The following OSBPL10 variants were observed in gnomAD, a reference collection of about 807,000 sequenced individuals.
The protein encoded by OSBPL10 is oxysterol binding protein like 10, also known as oxysterol-binding protein-related protein 10.
A neutral mutation model predicts 81.7 loss-of-function variants in OSBPL10; 49 were observed. The ratio of observed to expected loss-of-function variants is 0.60; its 90% confidence interval spans 0.48 to 0.76. OSBPL10 has a LOEUF of 0.76. Ranked by LOEUF, OSBPL10 falls within the 30% of genes least tolerant of loss-of-function variation. OSBPL10 has a pLI of 0.00. For missense variants in OSBPL10, 923 were observed against 987.8 expected, an observed-to-expected ratio of 0.93 and a Z score of 0.88; for synonymous variants, 419 against 383.6, an observed-to-expected ratio of 1.09 and a Z score of -1.08.
At chr3:31,801,280 T>C (rs1383491688) in intron 4 of OSBPL10, among the ~76,000 whole-genome samples, 1 of 152,182 alleles carries the variant, frequency 6.6e-6, no homozygotes, top group Non-Finnish European at 1.5e-5. Flanking sequence ...CCCCAAGTCT[T>C]TGGAGTTGGG....
chr3:31,662,599 A>G, intron 11 of OSBPL10: 8 of 995,410 alleles, frequency 8.0e-6, no homozygotes, highest in Non-Finnish European at 9.6e-6. Context: ...AGTGAGAAAA[A>G]GGCAAGAATT....
chr3:31,771,810 T>C (rs976611606), intron 4 of OSBPL10, among the ~76,000 whole-genome samples: 1 of 152,192 alleles, frequency 6.6e-6, no homozygotes, highest in African/African-American at 2.4e-5. Context: ...TCTGACGATA[T>C]TTTCCCGGCC....
At chr3:32,039,445 G>T (rs1444797678) in intron 2 of OSBPL10, among the ~76,000 whole-genome samples, 1 of 151,806 alleles carries the variant, frequency 6.6e-6, no homozygotes, top group African/African-American at 2.4e-5. Flanking sequence ...TAACAAGGAG[G>T]TCAGGAGTTC....
At chr3:31,761,813 T>TAA (rs34579457) in intron 4 of OSBPL10, among the ~76,000 whole-genome samples, 3 of 107,548 alleles carry the variant, frequency 2.8e-5, no homozygotes, top group South Asian at 2.7e-4. Flanking sequence ...AGACTGTCTC[T>TAA]AAAAAAAAAA....
chr3:31,782,162 C>A (rs1013859474), intron 4 of OSBPL10, among the ~76,000 whole-genome samples: 3 of 152,042 alleles, frequency 2.0e-5, no homozygotes, highest in Admixed American at 6.5e-5. Context: ...ACAGCCAACT[C>A]ATCTTTGACA....
chr3:31,903,546 G>T (rs1433058233), intron 1 of OSBPL10, among the ~76,000 whole-genome samples: 4 of 152,022 alleles, frequency 2.6e-5, no homozygotes, highest in Non-Finnish European at 4.4e-5. Context: ...ACCCAGGCTG[G>T]TCTCAAACTC....
At chr3:31,740,573 C>G (rs1697310176) in intron 5 of OSBPL10, among the ~76,000 whole-genome samples, 1 of 151,890 alleles carries the variant, frequency 6.6e-6, no homozygotes, top group Admixed American at 6.6e-5. Context: ...AGTATTGCAT[C>G]ATCCCTTTGA....
At position 32,060,080 on chromosome 3, in the gene OSBPL10, CTA is replaced by C. The variant is rs3081642; in HGVS notation, n.186-13479_186-13478del. ...ATTATCTTCGTGAAAAGTCAATGAG[CTA>C]TATATATATATATATACTTACGGTA... On this transcript the variant is annotated intron_variant and non_coding_transcript_variant, in intron 1 of 3. Coordinates refer to the OSBPL10 transcript ENST00000479173. Among the ~76,000 whole-genome samples, 657 of 146,894 alleles carry C rather than the reference CTA, an allele frequency of 4.5e-3. 7 individuals are homozygous for C. Among genetic ancestry groups the C allele is most frequent in the Middle Eastern group, 0.01 (3 of 286 alleles).
chr3:31,754,184 G>A (rs963906513), intron 4 of OSBPL10, among the ~76,000 whole-genome samples: 1 of 152,012 alleles, frequency 6.6e-6, no homozygotes, highest in African/African-American at 2.4e-5. Flanking sequence ...TTCCCTTTAG[G>A]CAAGGTCCTG....
At position 31,812,915 on chromosome 3, in the gene OSBPL10, G is replaced by A. The variant is rs111372434; in HGVS notation, c.729+17125C>T. 4.9e-3 allele frequency among the ~76,000 whole-genome samples: 746 copies of A among 151,786 alleles called. 5 individuals carry two copies. The highest frequency in any genetic ancestry group is 0.017 in the African/African-American group (705 of 41,158). ...TTAAAGATAAAATGTGTACTAAAATGATGTAGGTTCTATTTTTTGCTCAAA... is the reference window on the plus strand; with the variant it reads ...TTAAAGATAAAATGTGTACTAAAATAATGTAGGTTCTATTTTTTGCTCAAA... On this transcript the variant is annotated intron_variant, in intron 4 of 11. Transcript: ENST00000396556.
chr3:31,988,019 G>A (rs986954502), intron 2 of OSBPL10, among the ~76,000 whole-genome samples: 1 of 152,226 alleles, frequency 6.6e-6, no homozygotes, highest in South Asian at 2.1e-4. Flanking sequence ...GGGAAGCCAA[G>A]AACCCCAGAG....
At chr3:31,765,227 A>G (rs1386973430) in intron 4 of OSBPL10, among the ~76,000 whole-genome samples, 1 of 151,448 alleles carries the variant, frequency 6.6e-6, no homozygotes, top group African/African-American at 2.4e-5. Flanking sequence ...TTGTAGAGAC[A>G]TGATTTCACC....
At chr3:31,969,937 G>A (rs1698508427) in intron 1 of OSBPL10, among the ~76,000 whole-genome samples, 1 of 151,914 alleles carries the variant, frequency 6.6e-6, no homozygotes, top group Admixed American at 6.6e-5. Flanking sequence ...CGGGGGTGGG[G>A]GGCGCGGGGC....
intron 1 of OSBPL10, among the ~76,000 whole-genome samples, chr3:31,964,894 C>A (rs1698270885): frequency 2.0e-5 from 3 of 152,128 alleles, no homozygotes; most frequent in Non-Finnish European, 4.4e-5. Context: ...AGAGGGTGTA[C>A]TTTCTTTCCA....
intron 1 of OSBPL10, among the ~76,000 whole-genome samples, chr3:31,942,379 T>C (rs539519205): frequency 5.1e-4 from 60 of 117,432 alleles, no homozygotes; most frequent in African/African-American, 1.6e-3. Context: ...CTGTCTCTAC[T>C]AAAAATACAA....
intron 3 of OSBPL10, among the ~76,000 whole-genome samples, chr3:31,872,127 T>G (rs1701343717): frequency 1.3e-5 from 2 of 152,196 alleles, no homozygotes; most frequent in Non-Finnish European, 2.9e-5. Flanking sequence ...TGACTCCACC[T>G]CAAGTAACAC....
chr3:31,721,142 T>A (rs1192097104), intron 6 of OSBPL10, among the ~76,000 whole-genome samples: 1 of 152,068 alleles, frequency 6.6e-6, no homozygotes, highest in East Asian at 1.9e-4. Flanking sequence ...GCTCTGAAGA[T>A]GGAGCAATGG....
chr3:31,691,712 T>A (rs1448696381), intron 7 of OSBPL10, among the ~76,000 whole-genome samples: 1 of 151,956 alleles, frequency 6.6e-6, no homozygotes, highest in African/African-American at 2.4e-5. Context: ...GCCTGAGTTG[T>A]CTCTTTAAAG....
intron 1 of OSBPL10, among the ~76,000 whole-genome samples, chr3:31,894,199 A>C (rs147728853): frequency 2.3e-3 from 355 of 152,318 alleles, no homozygotes; most frequent in African/African-American, 8.2e-3. Flanking sequence ...TCTGGAGCCC[A>C]GGAGCGGTCG....
Sources: allele counts gnomAD v4.1 joint callset (sites outside exome capture counted in the v4.1 genomes callset), GRCh38; gene constraint gnomAD v4.1.1; transcripts MANE v1.5; gene names NCBI Gene and HGNC (gene_info 2026-07-23, HGNC 2026-07-21).